The following CBFA2T3 variants were observed in gnomAD, a reference collection of about 807,000 sequenced individuals.
CBFA2T3 encodes the protein transcriptional corepressor CBFA2T3.
Under a neutral mutation model 58.6 loss-of-function variants are expected in CBFA2T3, and 31 were observed. The observed-to-expected ratio is 0.53, with a 90% CI of 0.40 to 0.71. The LOEUF (loss-of-function observed/expected upper bound fraction) is 0.71, where lower values mean the gene tolerates loss of function less well. CBFA2T3 is among the 30% of genes least tolerant of loss of function. The pLI, the probability that CBFA2T3 is intolerant of heterozygous loss-of-function variation, is 0.00. For synonymous variants in CBFA2T3, 531 were observed against 421.9 expected, an observed-to-expected ratio of 1.26 and a Z score of -3.17; for missense variants, 1,076 against 963.1, an observed-to-expected ratio of 1.12 and a Z score of -1.55.
intron 1 of CBFA2T3, among the ~76,000 whole-genome samples, chr16:88,930,343 TCGTC>T: frequency 5.3e-5 from 8 of 149,996 alleles, no homozygotes; most frequent in African/African-American, 1.7e-4. Flanking sequence ...CACAGCTGCA[TCGTC>T]CACGCAAAAG....
At chr16:88,896,394 G>A (rs1039963572) in intron 3 of CBFA2T3, among the ~76,000 whole-genome samples, 9 of 152,304 alleles carry the variant, frequency 5.9e-5, no homozygotes, top group Admixed American at 5.2e-4. Flanking sequence ...GGACGCACCG[G>A]CCCTCTGGAG....
rs373798911 is a variant in CBFA2T3, at chr16:88,885,161, C to G, written c.1002G>C (p.Pro334=). The change falls in exon 7 of 12, where the codon CCG becomes CCC. Residue 334 remains proline, a synonymous_variant. Transcript: ENST00000268679. This position sits in a 1 kb window ranked among gnomAD's most constrained non-coding sequence, Gnocchi z 5.3. ...GGTAGTGCGGCGGCGGTGTGGGCTG[C>G]GGTGGCCCGTTGCTGGGGCTGTAGC... ...AQRYSPSNGP[P]QPTPPPHYRL... 6.2e-7 allele frequency: 1 copy of G among 1,601,790 alleles called. No individual in the cohort carries two copies. The highest frequency in any genetic ancestry group is 1.7e-5 in the Admixed American group (1 of 59,566).
chr16:88,904,277 C>T (rs925047675), intron 1 of CBFA2T3, among the ~76,000 whole-genome samples: 2 of 152,164 alleles, frequency 1.3e-5, no homozygotes, highest in East Asian at 1.9e-4. Flanking sequence ...GCAGGAAGAT[C>T]CTTCTCGGTG....
chr16:88,883,131 T>C, intron 7 of CBFA2T3: 4 of 330,558 alleles, frequency 1.2e-5, no homozygotes, highest in South Asian at 1.1e-4. Flanking sequence ...GCTGGAGCAG[T>C]GTCCTCAGCC....
rs1202234820 is a variant in CBFA2T3 at position 88,953,584 on chromosome 16, G to C, written c.151+23073C>G. 2.0e-5 allele frequency among the ~76,000 whole-genome samples: 3 copies of C among 152,154 alleles called. No homozygotes were observed. Among genetic ancestry groups the C allele is most frequent in the Non-Finnish European group, 4.4e-5 (3 of 68,028 alleles). ...CAGGATCGGAATGTAGAGGCCTGGG[G>C]GCTCCCGGCTGGGGACAGTGCCAGC... On this transcript the variant is annotated intron_variant, in intron 1 of 11. Coordinates refer to ENST00000268679, the MANE Select transcript of CBFA2T3 (RefSeq NM_005187.6). This position sits in a 1 kb window ranked among gnomAD's most constrained non-coding sequence, Gnocchi z 4.9.
At chr16:88,901,975 C>G (rs1970116444) in intron 1 of CBFA2T3, among the ~76,000 whole-genome samples, 1 of 152,194 alleles carries the variant, frequency 6.6e-6, no homozygotes, top group African/African-American at 2.4e-5. Flanking sequence ...GTGGGCAGTG[C>G]CCCGAGGCAG....
chr16:88,881,120 G>A lies in CBFA2T3; in HGVS notation c.1402+171C>T, dbSNP rs949169505. ...GGCCCACCAGACGCTCTGAGCTCCA[G>A]GCTTCCTGGCAGACCAGCCCGTGTT... On this transcript the variant is annotated intron_variant, in intron 9 of 11. Coordinates refer to ENST00000268679, the MANE Select transcript of CBFA2T3 (RefSeq NM_005187.6). 8 of 749,376 alleles carry A rather than the reference G, an allele frequency of 1.1e-5. No homozygotes were observed. In the African/African-American group the frequency reaches 1.2e-4, roughly 11 times the overall value. The allele number at this position is 749,376 out of a possible 1,614,324, so 46.4% of individuals were successfully genotyped here.
rs61749047 is a variant in CBFA2T3, at chr16:88,879,399, G to A, written c.1533C>T (p.Asp511=). The A allele has an allele frequency of 1.7e-4, 272 of 1,613,076 alleles. No homozygotes were observed. Among genetic ancestry groups the A allele is most frequent in the East Asian group, 6.2e-4 (28 of 44,880 alleles). ...AMSELQKAVS[D]AERKAHELIT... is the part of the protein sequence containing the mutation. ...TGAGCTCGTGCGCTTTGCGCTCCGCGTCCGACACGGCTTTCTGCAGCTCCG... is the reference window on the plus strand; with the variant it reads ...TGAGCTCGTGCGCTTTGCGCTCCGCATCCGACACGGCTTTCTGCAGCTCCG... The change falls in exon 11 of 12, where the codon GAC becomes GAT. Residue 511 remains aspartate, a synonymous_variant. Transcript: ENST00000268679.
Position 88,948,673 on chromosome 16 carries a change from A to T in CBFA2T3, c.151+27984T>A, listed in dbSNP as rs146405220. Among the ~76,000 whole-genome samples the T allele has an allele frequency of 1.9e-3, 287 of 152,364 alleles. 6 individuals are homozygous for T. The highest frequency in any genetic ancestry group is 0.016 in the Admixed American group (243 of 15,312). On this transcript the variant is annotated intron_variant, in intron 1 of 11. Coordinates refer to ENST00000268679, the MANE Select transcript of CBFA2T3 (RefSeq NM_005187.6). Reference sequence around the variant, plus strand: ...AGGTTCCTAATTGTGAAGTGGCTTCATTCACGTATTCATTTCTTTCTTCCT... The same window carrying T: ...AGGTTCCTAATTGTGAAGTGGCTTCTTTCACGTATTCATTTCTTTCTTCCT...
intron 1 of CBFA2T3, among the ~76,000 whole-genome samples, chr16:88,929,857 C>T (rs1355646813): frequency 6.6e-6 from 1 of 150,426 alleles, no homozygotes; most frequent in African/African-American, 2.5e-5. Flanking sequence ...GCAAAAGCTA[C>T]CCATGCCCAC....
intron 7 of CBFA2T3, chr16:88,883,341 C>G (rs1216318387): frequency 6.4e-6 from 1 of 156,146 alleles, no homozygotes; most frequent in East Asian, 1.9e-4. Flanking sequence ...AAACACCACC[C>G]AACCACGTGG....
intron 1 of CBFA2T3, among the ~76,000 whole-genome samples, chr16:88,965,294 C>T (rs897404405): frequency 6.6e-6 from 1 of 152,236 alleles, no homozygotes; most frequent in Admixed American, 6.5e-5. Flanking sequence ...GGCAGCATTT[C>T]TATAAATCAA....
At chr16:88,897,601 G>C (rs776726108) in intron 3 of CBFA2T3, among the ~76,000 whole-genome samples, 1 of 152,222 alleles carries the variant, frequency 6.6e-6, no homozygotes, top group African/African-American at 2.4e-5. Flanking sequence ...TGGCACTAGG[G>C]GCCATGATGA....
At chr16:88,902,418 A>G (rs904661866) in intron 1 of CBFA2T3, 1 of 152,266 alleles carries the variant, frequency 6.6e-6, no homozygotes, top group Non-Finnish European at 1.5e-5. Context: ...GCAGCTGAAC[A>G]AGATTCCCTC....
chr16:88,876,585 C>T lies in CBFA2T3; in HGVS notation c.*391G>A, dbSNP rs993594022. On this transcript the variant is annotated 3_prime_UTR_variant, in exon 12 of 12. Transcript: ENST00000268679. ...CATTGAAGAGAAAGTGTGTGATAGT[C>T]ATAGAGAGAGAGAGGATAGAGAAGA... 7 of 261,088 alleles carry T rather than the reference C, an allele frequency of 2.7e-5. No homozygotes were observed. The highest frequency in any genetic ancestry group is 1.4e-5 in the Non-Finnish European group (2 of 139,996). The allele number at this position is 261,088 out of a possible 1,614,324, so 16.2% of individuals were successfully genotyped here. A position where few individuals can be genotyped will look rare whatever the true frequency, so the allele number is the denominator to read the frequency against.
intron 5 of CBFA2T3, 92 bp downstream of exon 5, chr16:88,891,790 C>T (rs1036777371): frequency 2.6e-5 from 23 of 887,968 alleles, no homozygotes; most frequent in Non-Finnish European, 2.7e-5. Flanking sequence ...AGCCCCTTCC[C>T]GCCTGTCCAC....
At chr16:88,895,022 G>T (rs757443936) in intron 3 of CBFA2T3, among the ~76,000 whole-genome samples, 9 of 152,192 alleles carry the variant, frequency 5.9e-5, no homozygotes, top group Non-Finnish European at 1.0e-4. Flanking sequence ...CCTGGGAGGT[G>T]ACCCCTGCTG....
chr16:88,905,129 A>G (rs1970257149), intron 1 of CBFA2T3, among the ~76,000 whole-genome samples: 2 of 147,148 alleles, frequency 1.4e-5, no homozygotes, highest in African/African-American at 2.5e-5. Context: ...CCTGGGAAGG[A>G]GGGGGGTGGG....
chr16:88,946,760 C>G (rs554664654), intron 1 of CBFA2T3, among the ~76,000 whole-genome samples: 2 of 152,040 alleles, frequency 1.3e-5, no homozygotes, highest in African/African-American at 2.4e-5. Flanking sequence ...GGATTACAGA[C>G]ACGAGCCACT....
Sources: allele counts gnomAD v4.1 joint callset (sites outside exome capture counted in the v4.1 genomes callset), GRCh38; gene constraint gnomAD v4.1.1; non-coding constraint Gnocchi (gnomAD v3.1); transcripts MANE v1.5; gene names NCBI Gene and HGNC (gene_info 2026-07-23, HGNC 2026-07-21).